The following BNC2 variants were observed in gnomAD, a reference collection of about 807,000 sequenced individuals.
BNC2 encodes the protein zinc finger protein basonuclin-2.
In BNC2, 20 loss-of-function variants were observed where a neutral mutation model predicts 76.3. The observed-to-expected ratio is 0.26, with a 90% confidence interval of 0.18 to 0.38. BNC2 has a LOEUF of 0.38. BNC2 is among the 10% of genes least tolerant of loss of function. BNC2 has a pLI of 1.00. For missense variants in BNC2, 1,382 were observed against 1,399.8 expected (o/e 0.99, Z 0.20); for synonymous variants, 582 against 514.8 (o/e 1.13, Z -1.77).
intron 3 of BNC2, among the ~76,000 whole-genome samples, chr9:16,665,490 G>GAAAGAAAGAAAGAA (rs755965243): frequency 2.2e-5 from 3 of 137,840 alleles, no homozygotes; most frequent in Non-Finnish European, 3.1e-5. Flanking sequence ...AAGAAAGAAA[G>GAAAGAAAGAAAGAA]AGAGAGAGAG....
At chr9:16,646,437 C>G (rs932811887) in intron 3 of BNC2, among the ~76,000 whole-genome samples, 1 of 152,092 alleles carries the variant, frequency 6.6e-6, no homozygotes, top group Non-Finnish European at 1.5e-5. Flanking sequence ...AAAGAAGACA[C>G]AAACTACTAA....
intron 3 of BNC2, among the ~76,000 whole-genome samples, chr9:16,609,016 T>C (rs1238841626): frequency 6.6e-6 from 1 of 152,202 alleles, no homozygotes; most frequent in Non-Finnish European, 1.5e-5. Context: ...GGGATTTTTC[T>C]GTGTTTCTTT....
chr9:16,740,621 C>T (rs1824817126), intron 1 of BNC2, among the ~76,000 whole-genome samples: 1 of 152,022 alleles, frequency 6.6e-6, no homozygotes. Context: ...GCAAAGAAAA[C>T]AAGTAAGAGA....
intron 1 of BNC2, among the ~76,000 whole-genome samples, chr9:16,852,359 C>T (rs1819147853): frequency 1.3e-5 from 2 of 152,276 alleles, no homozygotes; most frequent in Admixed American, 6.5e-5. Context: ...TCCAACTGAG[C>T]TAAGCATAAG....
chr9:16,820,503 C>T (rs1470866078), intron 1 of BNC2, among the ~76,000 whole-genome samples: 1 of 151,858 alleles, frequency 6.6e-6, no homozygotes, highest in African/African-American at 2.4e-5. Flanking sequence ...AGCAGAAGAA[C>T]CAAGATTCAA....
intron 1 of BNC2, among the ~76,000 whole-genome samples, chr9:16,745,501 C>T (rs1021830372): frequency 6.6e-6 from 1 of 152,204 alleles, no homozygotes; most frequent in Non-Finnish European, 1.5e-5. Flanking sequence ...GGAGTAGAAA[C>T]TACTCTCTGC....
intron 5 of BNC2, among the ~76,000 whole-genome samples, chr9:16,448,649 T>C (rs936969506): frequency 2.0e-5 from 3 of 152,158 alleles, no homozygotes; most frequent in African/African-American, 4.8e-5. Context: ...ACAGTGAGGA[T>C]TGAGTATTCC....
At chr9:16,480,890 G>A (rs1487880263) in intron 5 of BNC2, among the ~76,000 whole-genome samples, 1 of 152,208 alleles carries the variant, frequency 6.6e-6, no homozygotes, top group African/African-American at 2.4e-5. Context: ...GCTGAGGAGT[G>A]CGAGCACATG....
chr9:16,667,308 C>A (rs1822329311), intron 3 of BNC2, among the ~76,000 whole-genome samples: 2 of 152,172 alleles, frequency 1.3e-5, no homozygotes, highest in African/African-American at 4.8e-5. Flanking sequence ...TTTCCTTTTG[C>A]AAATTTAACC....
At chr9:16,599,209 T>A (rs1452217623) in intron 3 of BNC2, among the ~76,000 whole-genome samples, 1 of 152,194 alleles carries the variant, frequency 6.6e-6, no homozygotes, top group Non-Finnish European at 1.5e-5. Flanking sequence ...TGCCTACAAA[T>A]AACTGAACTG....
chr9:16,606,156 A>G (rs1457895136), intron 3 of BNC2, among the ~76,000 whole-genome samples: 3 of 152,234 alleles, frequency 2.0e-5, no homozygotes, highest in African/African-American at 7.2e-5. Context: ...AAGTAATTAT[A>G]GTATTTATAA....
intron 3 of BNC2, among the ~76,000 whole-genome samples, chr9:16,606,985 T>C (rs1034937835): frequency 2.6e-5 from 4 of 152,188 alleles, no homozygotes; most frequent in Non-Finnish European, 5.9e-5. Context: ...TCTCACTCTG[T>C]CACCCAGGCT....
intron 3 of BNC2, among the ~76,000 whole-genome samples, chr9:16,675,088 C>G (rs1324435795): frequency 1.3e-5 from 2 of 152,140 alleles, no homozygotes; most frequent in Admixed American, 6.5e-5. Flanking sequence ...GGAAGATCTG[C>G]TATTTTCACA....
At chr9:16,545,480 G>A (rs1000884344) in intron 5 of BNC2, among the ~76,000 whole-genome samples, 3 of 152,006 alleles carry the variant, frequency 2.0e-5, no homozygotes, top group African/African-American at 4.8e-5. Context: ...ATAAAGACAC[G>A]GGCCTAATTT....
chr9:16,755,348 A>C (rs10810609), intron 1 of BNC2, among the ~76,000 whole-genome samples: 1 of 151,558 alleles, frequency 6.6e-6, no homozygotes, highest in South Asian at 2.1e-4. Flanking sequence ...GGGGGACACC[A>C]CCTCAGAACA....
At chr9:16,734,582 T>G (rs574630808) in intron 2 of BNC2, among the ~76,000 whole-genome samples, 5 of 152,332 alleles carry the variant, frequency 3.3e-5, no homozygotes, top group African/African-American at 1.2e-4. Context: ...CCTGAAGATT[T>G]CAAGGGGCAA....
At chr9:16,700,409 T>G (rs752253590) in intron 3 of BNC2, among the ~76,000 whole-genome samples, 6 of 152,074 alleles carry the variant, frequency 3.9e-5, no homozygotes, top group African/African-American at 7.2e-5. Context: ...TCCCAGCTAT[T>G]CTGGAGGCTG....
chr9:16,497,768 T>C (rs933567802), intron 5 of BNC2, among the ~76,000 whole-genome samples: 9 of 152,060 alleles, frequency 5.9e-5, no homozygotes, highest in Admixed American at 3.3e-4. Context: ...TCCACCAACA[T>C]AAAGGACATA....
At chr9:16,774,939 C>A (rs1035813543) in intron 1 of BNC2, among the ~76,000 whole-genome samples, 1 of 152,088 alleles carries the variant, frequency 6.6e-6, no homozygotes, top group African/African-American at 2.4e-5. Context: ...TTTGCTTTTA[C>A]TAAAATATGC....
Sources: gnomAD v4.1 joint callset for allele counts (sites outside exome capture counted in the v4.1 genomes callset) on GRCh38, gnomAD v4.1.1 for gene constraint, MANE v1.5 for transcripts, NCBI Gene and HGNC (gene_info 2026-07-23, HGNC 2026-07-21) for gene names.